KLHL1: variants seen among roughly 807,000 people sequenced by gnomAD.
The protein encoded by KLHL1 is kelch-like protein 1.
A neutral mutation model predicts 77.7 loss-of-function variants in KLHL1; 47 were observed. That is an observed-to-expected ratio of 0.60 (90% confidence interval 0.48 to 0.77). The LOEUF (loss-of-function observed/expected upper bound fraction) is 0.77. Among genes scored for constraint, KLHL1 ranks in the 30% least tolerant of loss-of-function variants. The pLI, the probability that KLHL1 is intolerant of heterozygous loss-of-function variation, is 0.00. For missense variants in KLHL1, 925 were observed against 910.8 expected (o/e 1.02, Z -0.20); for synonymous variants, 360 against 325.2 (o/e 1.11, Z -1.15).
chr13:69,782,341 T>C (rs113597596), intron 7 of KLHL1, among the ~76,000 whole-genome samples: 56,283 of 152,106 alleles, frequency 0.37, 10,672 homozygotes, highest in African/African-American at 0.44. Context: ...GCGCACCGTG[T>C]GCTAGCCGAA....
chr13:69,947,275 T>A (rs7491419), intron 3 of KLHL1, among the ~76,000 whole-genome samples: 18 of 152,100 alleles, frequency 1.2e-4, no homozygotes, highest in African/African-American at 4.1e-4. Context: ...CCCAGAGGAT[T>A]CCACATAGTT....
At chr13:69,766,156 TA>T (rs1462008917) in intron 7 of KLHL1, among the ~76,000 whole-genome samples, 10 of 152,198 alleles carry the variant, frequency 6.6e-5, no homozygotes, top group Non-Finnish European at 1.5e-4. Context: ...TAACATTTCC[TA>T]TATATGAATA....
chr13:70,081,486 G>A (rs971020735), intron 1 of KLHL1, among the ~76,000 whole-genome samples: 1 of 152,154 alleles, frequency 6.6e-6, no homozygotes, highest in African/African-American at 2.4e-5. Context: ...CTGCAGGACT[G>A]AGGTCCTCAT....
At chr13:69,806,785 A>G (rs1877636510) in intron 6 of KLHL1, among the ~76,000 whole-genome samples, 1 of 152,190 alleles carries the variant, frequency 6.6e-6, no homozygotes, top group South Asian at 2.1e-4. Flanking sequence ...GAGTAACCTC[A>G]GTGGGAAGCC....
At chr13:70,029,582 C>T (rs1315151571) in intron 1 of KLHL1, among the ~76,000 whole-genome samples, 1 of 152,038 alleles carries the variant, frequency 6.6e-6, no homozygotes, top group African/African-American at 2.4e-5. Context: ...CAGGCCTGCC[C>T]TAAAAGAGCT....
chr13:69,943,119 G>T (rs1327737057), intron 3 of KLHL1, among the ~76,000 whole-genome samples: 1 of 151,878 alleles, frequency 6.6e-6, no homozygotes, highest in Non-Finnish European at 1.5e-5. Flanking sequence ...CAAGGACACC[G>T]TATAGGTGAT....
At position 69,804,307 on chromosome 13, in the gene KLHL1, TGG is replaced by T. The variant is rs59457863; in HGVS notation, c.1415-7347_1415-7346del. ...TATGTAGACAAATATAATTTTTTTG[TGG>T]GGGGGGGAAATAGTAATTAATGTTT... On this transcript the variant is annotated intron_variant, in intron 6 of 10. Coordinates refer to ENST00000377844, the MANE Select transcript of KLHL1 (RefSeq NM_020866.3). 6.0e-5 allele frequency among the ~76,000 whole-genome samples: 4 copies of T among 66,398 alleles called. No individual in the cohort carries two copies. The East Asian group carries it at 1.1e-3, about 19-fold the overall frequency. The allele number at this position is 66,398 out of a possible 152,430, so 43.6% of individuals were successfully genotyped here. A position where few individuals can be genotyped will look rare whatever the true frequency, so the allele number is the denominator to read the frequency against.
chr13:69,812,652 G>A (rs1482136685), intron 6 of KLHL1, among the ~76,000 whole-genome samples: 1 of 151,824 alleles, frequency 6.6e-6, no homozygotes, highest in Non-Finnish European at 1.5e-5. Flanking sequence ...ATCAAAAAGT[G>A]GGCAAATGAT....
chr13:70,096,322 G>T (rs1887788020), intron 1 of KLHL1, among the ~76,000 whole-genome samples: 2 of 151,904 alleles, frequency 1.3e-5, no homozygotes, highest in African/African-American at 2.4e-5. Flanking sequence ...AGCATATGAG[G>T]GCTCCCCTTT....
intron 1 of KLHL1, among the ~76,000 whole-genome samples, chr13:70,099,890 T>C (rs1271442093): frequency 6.6e-6 from 1 of 152,052 alleles, no homozygotes; most frequent in Admixed American, 6.5e-5. Context: ...TTATTCATTC[T>C]TAATCTATTT....
chr13:69,885,142 G>T (rs112721538), intron 4 of KLHL1, among the ~76,000 whole-genome samples: 9,091 of 132,626 alleles, frequency 0.069, 368 homozygotes, highest in African/African-American at 0.12. Flanking sequence ...GGGTTTCACC[G>T]TGTTAGCCAG....
At chr13:70,105,830 A>T (rs1337556248) in intron 1 of KLHL1, among the ~76,000 whole-genome samples, 1 of 151,046 alleles carries the variant, frequency 6.6e-6, no homozygotes, top group Non-Finnish European at 1.5e-5. Flanking sequence ...GGAATGATAG[A>T]TAAACTTATA....
At chr13:69,871,668 C>G (rs1433834826) in intron 5 of KLHL1, among the ~76,000 whole-genome samples, 1 of 151,828 alleles carries the variant, frequency 6.6e-6, no homozygotes, top group East Asian at 1.9e-4. Flanking sequence ...TACCCTACAT[C>G]ATTGATCTTA....
chr13:70,088,668 A>C (rs1249203522), intron 1 of KLHL1, among the ~76,000 whole-genome samples: 1 of 137,286 alleles, frequency 7.3e-6, no homozygotes, highest in Non-Finnish European at 1.5e-5. Context: ...GGGGTAACAG[A>C]GCAAGACCCT....
intron 1 of KLHL1, among the ~76,000 whole-genome samples, chr13:69,986,545 CAT>C (rs915478154): frequency 5.9e-5 from 9 of 151,968 alleles, no homozygotes; most frequent in African/African-American, 1.9e-4. Context: ...CTTATTTCAA[CAT>C]ATAATTACCA....
chr13:69,781,285 CTTTTTTTTTTTT>C (rs869083780), intron 7 of KLHL1, among the ~76,000 whole-genome samples: 10 of 119,710 alleles, frequency 8.4e-5, no homozygotes, highest in Non-Finnish European at 1.7e-4. Flanking sequence ...TTTTTTCTTT[CTTTTTTTTTTTT>C]TTTTTTTTGT....
In KLHL1 at chr13:69,887,789, G is replaced by T. The variant is rs182616318; in HGVS notation, c.1015-5294C>A. ...TAGGTAATCTGAGACTTTCTCTGCTGCTCTCTTCTGAAGTCTCACATAAAT... is the reference window on the plus strand; with the variant it reads ...TAGGTAATCTGAGACTTTCTCTGCTTCTCTCTTCTGAAGTCTCACATAAAT... On this transcript the variant is annotated intron_variant, in intron 4 of 10. Transcript: ENST00000377844. Among the ~76,000 whole-genome samples, 296 of 152,230 alleles carry T rather than the reference G, an allele frequency of 1.9e-3. 2 individuals carry two copies. Among genetic ancestry groups the T allele is most frequent in the Middle Eastern group, 0.014 (4 of 294 alleles).
intron 4 of KLHL1, among the ~76,000 whole-genome samples, chr13:69,901,796 T>A (rs796171827): frequency 1.0e-3 from 4 of 3,852 alleles, no homozygotes; most frequent in Non-Finnish European, 0.01. Flanking sequence ...TCTTTTTTTC[T>A]TTTTTTTTTT....
chr13:69,946,183 A>C (rs1335064069), intron 3 of KLHL1, among the ~76,000 whole-genome samples: 1 of 152,144 alleles, frequency 6.6e-6, no homozygotes, highest in Non-Finnish European at 1.5e-5. Context: ...CTAGGTGGGG[A>C]TAAGGAAGAA....
Sources: gnomAD v4.1 joint callset for allele counts (sites outside exome capture counted in the v4.1 genomes callset) on GRCh38, gnomAD v4.1.1 for gene constraint, MANE v1.5 for transcripts, NCBI Gene and HGNC (gene_info 2026-07-23, HGNC 2026-07-21) for gene names.